The following EBF3 variants were observed in gnomAD, a reference collection of about 807,000 sequenced individuals.
EBF3 encodes EBF transcription factor 3, also known as transcription factor COE3.
Under a neutral mutation model 77.1 loss-of-function variants are expected in EBF3, and 18 were observed. The observed-to-expected ratio is 0.23, with a 90% CI of 0.16 to 0.35. The LOEUF is 0.35. EBF3 is among the 10% of genes least tolerant of loss of function. The pLI is 1.00. For synonymous variants in EBF3, 350 were observed against 343.5 expected, an observed-to-expected ratio of 1.02 and a Z score of -0.21; for missense variants, 558 against 860.0, an observed-to-expected ratio of 0.65 and a Z score of 4.39.
intron 6 of EBF3, among the ~76,000 whole-genome samples, chr10:129,880,319 A>G (rs1853104169): frequency 6.6e-6 from 1 of 151,870 alleles, no homozygotes; most frequent in Admixed American, 6.6e-5. Context: ...ATACACACAC[A>G]TGCCCACACA....
chr10:129,867,109 C>T (rs1361657949), intron 10 of EBF3, 32 bp downstream of exon 10: 2 of 1,605,342 alleles, frequency 1.2e-6, no homozygotes, highest in Non-Finnish European at 8.5e-7. Flanking sequence ...GCCTCTACCG[C>T]TTTCCCGCAG....
intron 10 of EBF3, among the ~76,000 whole-genome samples, 161 bp downstream of exon 10, chr10:129,866,980 G>A (rs1852062612): frequency 6.6e-6 from 1 of 152,250 alleles, no homozygotes; most frequent in Non-Finnish European, 1.5e-5. Flanking sequence ...CAAAGATGTG[G>A]AAACTGCATA....
In EBF3 at chr10:129,863,109, T is replaced by C. The variant is rs192232176; in HGVS notation, c.1039+4032A>G. On this transcript the variant is annotated intron_variant, in intron 10 of 16. Coordinates refer to ENST00000440978, the MANE Select transcript of EBF3 (RefSeq NM_001375380.1). The surrounding 1 kb of genome is among the most constrained non-coding windows in gnomAD (Gnocchi z 4.0). ...TTTTACAGTCTAGAAGGCAATTTACTATTAACTGGCAATTACATACAGAGT... is the reference window on the plus strand; with the variant it reads ...TTTTACAGTCTAGAAGGCAATTTACCATTAACTGGCAATTACATACAGAGT... 6.4e-4 allele frequency among the ~76,000 whole-genome samples: 98 copies of C among 152,374 alleles called. No individual in the cohort carries two copies. Among genetic ancestry groups the C allele is most frequent in the African/African-American group, 2.3e-3 (95 of 41,590 alleles).
At chr10:129,899,633 A>G (rs1413030960) in intron 6 of EBF3, among the ~76,000 whole-genome samples, 4 of 152,174 alleles carry the variant, frequency 2.6e-5, no homozygotes, top group African/African-American at 9.7e-5. Flanking sequence ...AGGCCGGGGA[A>G]TGGCAGCAGG....
At chr10:129,926,193 T>C (rs763865352) in intron 6 of EBF3, among the ~76,000 whole-genome samples, 2 of 152,148 alleles carry the variant, frequency 1.3e-5, no homozygotes, top group African/African-American at 2.4e-5. Context: ...TCATTCATAA[T>C]GAATACCGAG....
chr10:129,841,043 C>CCCA lies in EBF3; in HGVS notation c.1373-12_1373-11insTGG, dbSNP rs1554892380. The CCCA allele has an allele frequency of 4.1e-5, 55 of 1,350,208 alleles. 1 individual carries two copies. The highest frequency in any genetic ancestry group is 3.5e-4 in the East Asian group (13 of 36,712). 83.6% of individuals were successfully genotyped at this position (1,350,208 alleles called of 1,614,324 possible). On this transcript the variant is annotated splice_polypyrimidine_tract_variant and intron_variant, in intron 13 of 16. Coordinates refer to ENST00000440978, the MANE Select transcript of EBF3 (RefSeq NM_001375380.1). This position sits in a 1 kb window ranked among gnomAD's most constrained non-coding sequence, Gnocchi z 4.6. ...TGCGACTGTAGCCGACTGTTGAAAT[C>CCCA]CCCCCCCCGGCCAAAAATAACATTA...
At chr10:129,884,697 T>A (rs567744286) in intron 6 of EBF3, among the ~76,000 whole-genome samples, 38 of 152,256 alleles carry the variant, frequency 2.5e-4, no homozygotes, top group Admixed American at 7.8e-4. Flanking sequence ...ATGGCTGGAC[T>A]CCCCAACTGG....
intron 6 of EBF3, among the ~76,000 whole-genome samples, chr10:129,955,605 A>T (rs1181956685): frequency 6.6e-6 from 1 of 152,254 alleles, no homozygotes; most frequent in Admixed American, 6.5e-5. Flanking sequence ...TATGATGAAC[A>T]CTGAGTATTA....
chr10:129,857,151 AAAG>A (rs781187219), intron 10 of EBF3, among the ~76,000 whole-genome samples: 77 of 152,336 alleles, frequency 5.1e-4, no homozygotes, highest in Admixed American at 4.1e-3. Flanking sequence ...CAGGCTGCAT[AAAG>A]AAGAAAAGGA....
At chr10:129,884,598 C>T (rs1017805554) in intron 6 of EBF3, among the ~76,000 whole-genome samples, 4 of 152,124 alleles carry the variant, frequency 2.6e-5, no homozygotes, top group African/African-American at 4.8e-5. Flanking sequence ...GACGTCATAG[C>T]GAAGGGGCAG....
chr10:129,915,441 C>A (rs1413179252), intron 6 of EBF3, among the ~76,000 whole-genome samples: 1 of 149,072 alleles, frequency 6.7e-6, no homozygotes, highest in South Asian at 2.1e-4. Flanking sequence ...AAAACACTCA[C>A]CCATGCATGC....
At chr10:129,893,315 G>A (rs940987036) in intron 6 of EBF3, among the ~76,000 whole-genome samples, 6 of 152,202 alleles carry the variant, frequency 3.9e-5, no homozygotes, top group Non-Finnish European at 7.3e-5. Flanking sequence ...CACCTGCTCC[G>A]ACAACAGCAC....
At chr10:129,886,122 C>T (rs932140514) in intron 6 of EBF3, among the ~76,000 whole-genome samples, 4 of 151,200 alleles carry the variant, frequency 2.6e-5, no homozygotes, top group Admixed American at 6.6e-5. Context: ...TGTACATTTC[C>T]CCCATCCACA....
At chr10:129,849,462 T>C (rs1850705280) in intron 10 of EBF3, among the ~76,000 whole-genome samples, 1 of 152,204 alleles carries the variant, frequency 6.6e-6, no homozygotes, top group Non-Finnish European at 1.5e-5. Context: ...AGTAATTTGA[T>C]GATTAACACG....
At chr10:129,877,926 C>A (rs557508861) in intron 6 of EBF3, 77 bp from the exon 7 acceptor site, 5 of 1,185,890 alleles carry the variant, frequency 4.2e-6, no homozygotes, top group East Asian at 5.1e-5. Flanking sequence ...GACACTCTTG[C>A]GCAGGGAGGA....
intron 10 of EBF3, among the ~76,000 whole-genome samples, chr10:129,850,566 C>A (rs1053532404): frequency 6.6e-6 from 1 of 152,174 alleles, no homozygotes; most frequent in African/African-American, 2.4e-5. Context: ...GGATGCGGGC[C>A]GAGGCAAGGG....
intron 10 of EBF3, among the ~76,000 whole-genome samples, chr10:129,854,350 G>T (rs1851098109): frequency 6.6e-6 from 1 of 152,142 alleles, no homozygotes; most frequent in Non-Finnish European, 1.5e-5. Context: ...ATGATGAGAG[G>T]TAGCTGGAGT....
chr10:129,963,598 G>T lies in EBF3; in HGVS notation c.134+37C>A. 2.4e-6 allele frequency: 3 copies of T among 1,264,096 alleles called. No individual in the cohort carries two copies. Among genetic ancestry groups the T allele is most frequent in the Non-Finnish European group, 3.0e-6 (3 of 994,314 alleles). The allele number at this position is 1,264,096 out of a possible 1,614,324, so 78.3% of individuals were successfully genotyped here. A position where few individuals can be genotyped will look rare whatever the true frequency, so the allele number is the denominator to read the frequency against. On this transcript the variant is annotated intron_variant, in intron 1 of 16. Coordinates refer to ENST00000440978, the MANE Select transcript of EBF3 (RefSeq NM_001375380.1). The surrounding 1 kb of genome is among the most constrained non-coding windows in gnomAD (Gnocchi z 7.1). Reference sequence around the variant, plus strand: ...GCGGAGGGGGCCGGGCCGGGCCGGGGCCGGGGCCAGGGCGCGCGGGGGCGG... The same window carrying T: ...GCGGAGGGGGCCGGGCCGGGCCGGGTCCGGGGCCAGGGCGCGCGGGGGCGG...
At chr10:129,923,839 A>T (rs1056099795) in intron 6 of EBF3, among the ~76,000 whole-genome samples, 4 of 152,250 alleles carry the variant, frequency 2.6e-5, no homozygotes, top group African/African-American at 9.6e-5. Context: ...GATTCCATCA[A>T]CCAAGTGAAA....
Sources: allele counts gnomAD v4.1 joint callset (sites outside exome capture counted in the v4.1 genomes callset), GRCh38; gene constraint gnomAD v4.1.1; non-coding constraint Gnocchi (gnomAD v3.1); transcripts MANE v1.5; gene names NCBI Gene and HGNC (gene_info 2026-07-23, HGNC 2026-07-21).